The following GDAP1L1 variants were observed in gnomAD, a reference collection of about 807,000 sequenced individuals.
GDAP1L1 encodes the protein ganglioside induced differentiation associated protein 1 like 1.
A neutral mutation model predicts 37.1 loss-of-function variants in GDAP1L1; 21 were observed. The observed-to-expected ratio is 0.57, with a 90% CI of 0.40 to 0.81. The LOEUF (loss-of-function observed/expected upper bound fraction) is 0.81. Among genes scored for constraint, GDAP1L1 ranks in the 40% least tolerant of loss-of-function variants. The probability of loss-of-function intolerance (pLI) is 0.00; values close to 1 mark genes in which losing one functional copy is unlikely to be tolerated. For missense variants in GDAP1L1, 362 were observed against 491.6 expected, an observed-to-expected ratio of 0.74 and a Z score of 2.49; for synonymous variants, 193 against 209.1, an observed-to-expected ratio of 0.92 and a Z score of 0.67.
At chr20:44,265,055 A>G in intron 5 of GDAP1L1, 1 of 985,322 alleles carries the variant, frequency 1.0e-6, no homozygotes, top group Non-Finnish European at 1.2e-6. Flanking sequence ...TGCATACTGA[A>G]TACTCGGTTG....
chr20:44,265,545 G>T (rs751747637), intron 5 of GDAP1L1: 3 of 932,808 alleles, frequency 3.2e-6, no homozygotes, highest in Admixed American at 6.2e-5. Context: ...ACTTGAAATA[G>T]AGTTCCAGCT....
At chr20:44,277,046 T>C (rs573686384) in intron 5 of GDAP1L1, among the ~76,000 whole-genome samples, 65 of 152,202 alleles carry the variant, frequency 4.3e-4, no homozygotes, top group African/African-American at 1.5e-3. Flanking sequence ...TATTTCGAGA[T>C]GGGGTTTCGC....
chr20:44,257,051 G>C, intron 1 of GDAP1L1, 102 bp from the exon 2 acceptor site: 2 of 1,222,174 alleles, frequency 1.6e-6, no homozygotes, highest in South Asian at 1.5e-5. Flanking sequence ...GTCCCCTCCT[G>C]TGTGTGACCT....
Position 44,264,726 on chromosome 20 carries a change from C to T in GDAP1L1, c.760+167C>T, listed in dbSNP as rs1027861224. On this transcript the variant is annotated intron_variant, in intron 5 of 5. Transcript: ENST00000342560. ...GGTTCAAGTCATAACTTGGCCACTT[C>T]CTAGCTTAGTAAATGTGGTCAGGTT... The T allele has an allele frequency of 2.2e-6, 3 of 1,388,280 alleles. No homozygotes were observed. In the African/African-American group the frequency reaches 4.4e-5, roughly 20 times the overall value. The allele number at this position is 1,388,280 out of a possible 1,614,324, so 86.0% of individuals were successfully genotyped here.
At chr20:44,251,031 G>C (rs377012362) in intron 1 of GDAP1L1, among the ~76,000 whole-genome samples, 45 of 152,210 alleles carry the variant, frequency 3.0e-4, no homozygotes, top group African/African-American at 1.1e-3. Context: ...GCATCCATCT[G>C]TCCTCACAAC....
chr20:44,256,690 G>T (rs2073553747), intron 1 of GDAP1L1, among the ~76,000 whole-genome samples: 1 of 151,888 alleles, frequency 6.6e-6, no homozygotes, highest in African/African-American at 2.4e-5. Flanking sequence ...AAGTTTCTGT[G>T]AATTTCCTGG....
chr20:44,257,088 C>T lies in GDAP1L1; in HGVS notation c.181-65C>T, dbSNP rs1417288913. The T allele has an allele frequency of 7.5e-6, 11 of 1,475,176 alleles. No individual in the cohort carries two copies. In the East Asian group the frequency reaches 2.0e-4, roughly 27 times the overall value. The allele number at this position is 1,475,176 out of a possible 1,614,324, so 91.4% of individuals were successfully genotyped here. On this transcript the variant is annotated intron_variant, in intron 1 of 5. Transcript: ENST00000342560. Reference sequence around the variant, plus strand: ...TGACCTCCCTCCCCGCACACCCCCGCCCCACCTGGGCAGAGTGTCCCCTGT... The same window carrying T: ...TGACCTCCCTCCCCGCACACCCCCGTCCCACCTGGGCAGAGTGTCCCCTGT...
At chr20:44,257,640 C>G (rs1482753015) in intron 2 of GDAP1L1, among the ~76,000 whole-genome samples, 1 of 152,120 alleles carries the variant, frequency 6.6e-6, no homozygotes. Flanking sequence ...ATAGCCCTTT[C>G]CCCCGAGCTC....
At chr20:44,275,045 C>T (rs1052773977) in intron 5 of GDAP1L1, among the ~76,000 whole-genome samples, 5 of 151,994 alleles carry the variant, frequency 3.3e-5, no homozygotes, top group Non-Finnish European at 4.4e-5. Flanking sequence ...GGCGCACATG[C>T]TACCGATTCA....
chr20:44,264,937 G>A (rs1289296038), intron 5 of GDAP1L1: 12 of 985,336 alleles, frequency 1.2e-5, no homozygotes, highest in Non-Finnish European at 1.4e-5. Flanking sequence ...TAGATGTCAT[G>A]GTTAGGGCCA....
intron 5 of GDAP1L1, among the ~76,000 whole-genome samples, chr20:44,266,775 C>T (rs924570567): frequency 6.6e-6 from 1 of 152,086 alleles, no homozygotes; most frequent in Admixed American, 6.5e-5. Flanking sequence ...AATGAGGACC[C>T]ACCTTAAGCT....
At position 44,263,382 on chromosome 20, in the gene GDAP1L1, T is replaced by G. The variant is rs577728113; in HGVS notation, c.645+55T>G. On this transcript the variant is annotated intron_variant, in intron 4 of 5. Coordinates refer to ENST00000342560, the MANE Select transcript of GDAP1L1 (RefSeq NM_024034.6). ...TTCCCTACGAGCTCTTCCACGGAAA[T>G]GAACAATAGGAGAAACTAAGTAGAA... is the stretch of plus-strand genomic sequence containing the variant. 68 of 1,182,790 alleles carry G rather than the reference T, an allele frequency of 5.7e-5. 3 individuals are homozygous for G. In the South Asian group the frequency reaches 8.1e-4, roughly 14 times the overall value. The allele number at this position is 1,182,790 out of a possible 1,614,324, so 73.3% of individuals were successfully genotyped here. A position where few individuals can be genotyped will look rare whatever the true frequency, so the allele number is the denominator to read the frequency against.
chr20:44,271,044 T>C (rs1330038158), intron 5 of GDAP1L1, among the ~76,000 whole-genome samples: 2 of 152,136 alleles, frequency 1.3e-5, no homozygotes, highest in East Asian at 1.9e-4. Flanking sequence ...GGAGAATCAC[T>C]TGAGCCCCAG....
chr20:44,260,371 G>T (rs1482833518), intron 3 of GDAP1L1, among the ~76,000 whole-genome samples: 1 of 151,906 alleles, frequency 6.6e-6, no homozygotes, highest in Non-Finnish European at 1.5e-5. Flanking sequence ...ACTGCAAGGA[G>T]TATTTCTGGA....
intron 5 of GDAP1L1, among the ~76,000 whole-genome samples, chr20:44,271,819 G>C (rs1205753806): frequency 6.6e-6 from 1 of 152,164 alleles, no homozygotes. Context: ...GTAGAAAACA[G>C]AGGACATCTT....
At chr20:44,270,403 C>T (rs1006070948) in intron 5 of GDAP1L1, among the ~76,000 whole-genome samples, 22 of 152,092 alleles carry the variant, frequency 1.4e-4, no homozygotes, top group Admixed American at 2.6e-4. Context: ...ATCTCCTGAC[C>T]TCGTGATCCA....
chr20:44,278,873 A>G (rs1052626053), intron 5 of GDAP1L1, 84 bp from the exon 6 acceptor site: 2 of 860,526 alleles, frequency 2.3e-6, no homozygotes, highest in Non-Finnish European at 3.8e-6. Flanking sequence ...GCAGGCATGC[A>G]GAAGCCAGTG....
intron 5 of GDAP1L1, among the ~76,000 whole-genome samples, chr20:44,275,923 C>T (rs1379565866): frequency 6.6e-6 from 1 of 152,120 alleles, no homozygotes; most frequent in African/African-American, 2.4e-5. Flanking sequence ...TGTAAAACCA[C>T]GTTGTGTGAG....
chr20:44,279,126 C>T lies in GDAP1L1; in HGVS notation c.930C>T (p.Ala310=), dbSNP rs2062615206. 7 of 1,614,102 alleles carry T rather than the reference C, an allele frequency of 4.3e-6. No homozygotes were observed. In the East Asian group the frequency reaches 1.6e-4, roughly 36 times the overall value. ...SFFERVQRRF[A]FRKVLGDIHT... ...TTGAGAGGGTCCAGAGACGCTTTGC[C>T]TTCCGGAAAGTCCTGGGTGACATCC... The change falls in exon 6 of 6, where the codon GCC becomes GCT. Residue 310 remains alanine, a synonymous_variant. Transcript: ENST00000342560.
Sources: gnomAD v4.1 joint callset for allele counts (sites outside exome capture counted in the v4.1 genomes callset) on GRCh38, gnomAD v4.1.1 for gene constraint, MANE v1.5 for transcripts, NCBI Gene and HGNC (gene_info 2026-07-23, HGNC 2026-07-21) for gene names.